Variants in SPATS2 observed in about 807,000 individuals in gnomAD.
SPATS2 encodes the protein spermatogenesis-associated serine-rich protein 2.
SPATS2 carries 38 observed loss-of-function variants against 63.7 expected under a neutral mutation model. The observed-to-expected ratio is 0.60, with a 90% CI of 0.46 to 0.78. The LOEUF (loss-of-function observed/expected upper bound fraction) is 0.78, where lower values mean the gene tolerates loss of function less well. Ranked by LOEUF, SPATS2 falls within the 30% of genes least tolerant of loss-of-function variation. The pLI is 0.00. For synonymous variants in SPATS2, 207 were observed against 232.9 expected, an observed-to-expected ratio of 0.89 and a Z score of 1.01; for missense variants, 588 against 666.2, an observed-to-expected ratio of 0.88 and a Z score of 1.29.
chr12:49,524,678 T>C lies in SPATS2; in HGVS notation c.1112-4T>C, dbSNP rs772346457. 4 of 1,614,028 alleles carry C rather than the reference T, an allele frequency of 2.5e-6. No homozygotes were observed. The African/African-American group carries it at 5.3e-5, about 22-fold the overall frequency. On this transcript the variant is annotated splice_region_variant and splice_polypyrimidine_tract_variant and intron_variant, in intron 12 of 13. Coordinates refer to ENST00000552918, the MANE Select transcript of SPATS2 (RefSeq NM_023071.4). The stretch of plus-strand genomic sequence containing the variant: ...ATCATATATTCCTCATATTTCTGTT[T>C]CAGTGTCTCATCCAAAGAACAGCTA...
At chr12:49,495,656 T>G (rs1273870740) in intron 7 of SPATS2, among the ~76,000 whole-genome samples, 1 of 152,168 alleles carries the variant, frequency 6.6e-6, no homozygotes, top group Non-Finnish European at 1.5e-5. Context: ...ATCTAATTTT[T>G]CCACTCATGC....
At chr12:49,490,870 A>G in intron 6 of SPATS2, 139 bp downstream of exon 6, 4 of 744,020 alleles carry the variant, frequency 5.4e-6, no homozygotes, top group Non-Finnish European at 8.6e-6. Context: ...GGCCAGGTGC[A>G]GGGGCTCACA....
intron 2 of SPATS2, among the ~76,000 whole-genome samples, chr12:49,392,638 G>A (rs368058110): frequency 2.2e-4 from 32 of 144,374 alleles, no homozygotes; most frequent in African/African-American, 8.2e-4. Context: ...GTTTGAACCC[G>A]GGAGGCAGAG....
intron 2 of SPATS2, among the ~76,000 whole-genome samples, chr12:49,450,229 G>A (rs1945594639): frequency 6.6e-6 from 1 of 151,406 alleles, no homozygotes; most frequent in South Asian, 2.1e-4. Flanking sequence ...TCTTTTGAGT[G>A]GAGTCTTTTT....
intron 2 of SPATS2, among the ~76,000 whole-genome samples, chr12:49,420,899 C>G (rs1944968973): frequency 6.6e-6 from 1 of 152,030 alleles, no homozygotes; most frequent in Admixed American, 6.6e-5. Context: ...CCCATCTACT[C>G]CGGAGGCTGA....
intron 4 of SPATS2, among the ~76,000 whole-genome samples, chr12:49,484,923 TATTA>T (rs921004640): frequency 7.2e-5 from 11 of 152,356 alleles, no homozygotes; most frequent in South Asian, 4.1e-4. Flanking sequence ...AGATATTCAG[TATTA>T]ATTAGTTGAT....
intron 9 of SPATS2, among the ~76,000 whole-genome samples, chr12:49,507,700 ATTTCAATGTGATCT>A (rs1946676525): frequency 6.6e-6 from 1 of 152,112 alleles, no homozygotes; most frequent in Non-Finnish European, 1.5e-5. Flanking sequence ...TGAGAGTGTA[ATTTCAATGTGATCT>A]TTTCACTTAA....
At chr12:49,513,701 T>G (rs1946790601) in intron 9 of SPATS2, among the ~76,000 whole-genome samples, 1 of 152,232 alleles carries the variant, frequency 6.6e-6, no homozygotes, top group Admixed American at 6.5e-5. Flanking sequence ...GCATTCTAAG[T>G]ACTAAAATGT....
Position 49,522,777 on chromosome 12 carries a change from T to G in SPATS2, c.1035T>G (p.Asp345Glu). 1 of 1,613,824 alleles carries G rather than the reference T, an allele frequency of 6.2e-7. No homozygotes were observed. The highest frequency in any genetic ancestry group is 8.5e-7 in the Non-Finnish European group (1 of 1,179,770). Residue 345 changes from aspartate to glutamate, a missense_variant, in exon 12 of 14, where the codon GAT becomes GAG. Transcript: ENST00000552918. ...IKHFVSERKY[D>E]EDLGRVARFT... ...ACTTTGTTAGTGAACGTAAATATGA[T>G]GAGGATCTGGGACGAGTAGCCCGGT...
chr12:49,463,128 G>A (rs950041504), intron 3 of SPATS2: 1 of 151,802 alleles, frequency 6.6e-6, no homozygotes, highest in Non-Finnish European at 1.5e-5. Flanking sequence ...AACATAGGCC[G>A]GGTCTGGTGG....
chr12:49,397,866 T>C (rs1592358637), intron 2 of SPATS2, among the ~76,000 whole-genome samples: 1 of 136,354 alleles, frequency 7.3e-6, no homozygotes, highest in South Asian at 2.3e-4. Flanking sequence ...AAAGGATCCA[T>C]TGGCCGAGCA....
intron 9 of SPATS2, among the ~76,000 whole-genome samples, chr12:49,511,454 G>A (rs1380175435): frequency 6.6e-6 from 1 of 152,066 alleles, no homozygotes; most frequent in Non-Finnish European, 1.5e-5. Flanking sequence ...AATTTCATTA[G>A]CAGTTTTAGA....
At position 49,411,442 on chromosome 12, in the gene SPATS2, C is replaced by T. The variant is rs187476713; in HGVS notation, c.-244+40152C>T. Among the ~76,000 whole-genome samples, 188 of 152,160 alleles carry T rather than the reference C, an allele frequency of 1.2e-3. 1 individual carries two copies. Among genetic ancestry groups the T allele is most frequent in the African/African-American group, 4.1e-3 (169 of 41,520 alleles). ...AAATGTGAAATGAAGCATTATGTGC[C>T]ATAATCTACCATGAGTAAATAAATA... On this transcript the variant is annotated intron_variant, in intron 2 of 13. Transcript: ENST00000552918.
intron 2 of SPATS2, among the ~76,000 whole-genome samples, chr12:49,413,057 C>T (rs574010227): frequency 7.9e-5 from 12 of 150,956 alleles, no homozygotes; most frequent in Middle Eastern, 6.8e-3. Flanking sequence ...TCTCCAGACA[C>T]GTTGTTAAAC....
chr12:49,368,013 A>G (rs1943932463), intron 1 of SPATS2, among the ~76,000 whole-genome samples: 1 of 152,210 alleles, frequency 6.6e-6, no homozygotes, highest in Middle Eastern at 3.2e-3. Flanking sequence ...TTCGGGGGCA[A>G]TAATGAGATT....
At chr12:49,499,772 G>A (rs905926426) in intron 8 of SPATS2, among the ~76,000 whole-genome samples, 4 of 151,990 alleles carry the variant, frequency 2.6e-5, no homozygotes, top group African/African-American at 4.8e-5. Flanking sequence ...CTGTTGTCTC[G>A]GGAAAAGTAC....
chr12:49,391,167 T>G (rs1944411532), intron 2 of SPATS2, among the ~76,000 whole-genome samples: 1 of 151,814 alleles, frequency 6.6e-6, no homozygotes, highest in African/African-American at 2.4e-5. Context: ...AAAGCGGGGG[T>G]AGAGGTGGGG....
chr12:49,432,207 C>T (rs985355165), intron 2 of SPATS2, among the ~76,000 whole-genome samples: 25 of 152,146 alleles, frequency 1.6e-4, no homozygotes, highest in Admixed American at 2.6e-4. Context: ...GGCGTGCTGG[C>T]TTATGCCTGT....
chr12:49,451,779 T>G (rs1185460869), intron 2 of SPATS2, among the ~76,000 whole-genome samples: 1 of 152,254 alleles, frequency 6.6e-6, no homozygotes, highest in Non-Finnish European at 1.5e-5. Flanking sequence ...GAGACTTCCT[T>G]TGGAATTTCT....
Sources: gnomAD v4.1 joint callset for allele counts (sites outside exome capture counted in the v4.1 genomes callset) on GRCh38, gnomAD v4.1.1 for gene constraint, MANE v1.5 for transcripts, NCBI Gene and HGNC (gene_info 2026-07-23, HGNC 2026-07-21) for gene names.